ARSG: variants seen among roughly 807,000 people sequenced by gnomAD.
ARSG encodes the protein ASG.
Under a neutral mutation model 50.5 loss-of-function variants are expected in ARSG, and 37 were observed. The ratio of observed to expected loss-of-function variants is 0.73; its 90% confidence interval spans 0.56 to 0.96. The LOEUF (loss-of-function observed/expected upper bound fraction) is 0.96. Among genes scored for constraint, ARSG ranks in the 50% least tolerant of loss-of-function variants. ARSG has a pLI of 0.00. For synonymous variants in ARSG, 225 were observed against 254.6 expected (o/e 0.88, Z 1.11); for missense variants, 629 against 675.3 (o/e 0.93, Z 0.76).
At position 68,279,905 on chromosome 17, in the gene ARSG, G is replaced by A. The variant is rs188734006; in HGVS notation, c.-552+20479G>A. Reference sequence around the variant, plus strand: ...CAAGTTTAAGAATTCTTTATGGCTGGGCGCGGTGGCTCACACCTGTAATCC... The same window carrying A: ...CAAGTTTAAGAATTCTTTATGGCTGAGCGCGGTGGCTCACACCTGTAATCC... On this transcript the variant is annotated intron_variant, in intron 1 of 11. Coordinates refer to the ARSG transcript ENST00000448504. 3.9e-5 allele frequency among the ~76,000 whole-genome samples: 6 copies of A among 152,182 alleles called. No individual in the cohort carries two copies. In the East Asian group the frequency reaches 1.2e-3, roughly 29 times the overall value.
intron 2 of ARSG, among the ~76,000 whole-genome samples, chr17:68,322,431 A>T (rs572447181): frequency 1.3e-5 from 2 of 152,270 alleles, no homozygotes; most frequent in East Asian, 1.9e-4. Flanking sequence ...GATCGAGACC[A>T]TCCTGGCCAA....
At chr17:68,384,643 C>T (rs898767612) in intron 8 of ARSG, among the ~76,000 whole-genome samples, 2 of 152,124 alleles carry the variant, frequency 1.3e-5, no homozygotes, top group Non-Finnish European at 2.9e-5. Flanking sequence ...TTTCTTCATC[C>T]TAAACAGACA....
In ARSG at chr17:68,380,425, A is replaced by T. The variant is rs936024537; in HGVS notation, c.983-4639A>T. ...TAGCTGGGACTACCACACTTAGCTA[A>T]TTATTTATTTATTTATTTATTTAGT... On this transcript the variant is annotated intron_variant, in intron 8 of 11. Coordinates refer to ENST00000621439, the MANE Select transcript of ARSG (RefSeq NM_001267727.2). Among the ~76,000 whole-genome samples, 26 of 151,564 alleles carry T rather than the reference A, an allele frequency of 1.7e-4. 1 individual carries two copies. The highest frequency in any genetic ancestry group is 4.2e-4 in the South Asian group (2 of 4,810).
At chr17:68,320,106 G>A (rs552820984) in intron 2 of ARSG, among the ~76,000 whole-genome samples, 1 of 152,282 alleles carries the variant, frequency 6.6e-6, no homozygotes, top group East Asian at 1.9e-4. Flanking sequence ...GGGCAACACG[G>A]TGAAATCCCA....
In ARSG at chr17:68,386,907, C is replaced by G. The variant is rs146188575; in HGVS notation, c.1091+1735C>G. ...TGACTGAGAGGATGGTTTGGTGACC[C>G]AAGGCAGTGTCTGCCTGAGGGCCCC... On this transcript the variant is annotated intron_variant, in intron 9 of 11. Coordinates refer to ENST00000621439, the MANE Select transcript of ARSG (RefSeq NM_001267727.2). Among the ~76,000 whole-genome samples the G allele has an allele frequency of 7.4e-3, 1,123 of 152,146 alleles. 19 individuals are homozygous for G. Among genetic ancestry groups the G allele is most frequent in the African/African-American group, 0.026 (1,066 of 41,498 alleles).
chr17:68,445,808 G>A, the ARSG span, among the ~76,000 whole-genome samples: 1 of 152,226 alleles, frequency 6.6e-6, no homozygotes, highest in Non-Finnish European at 1.5e-5. Context: ...CATCTGAGCA[G>A]CTGCCGACCA....
intron 9 of ARSG, among the ~76,000 whole-genome samples, chr17:68,394,077 T>C (rs60904747): frequency 0.09 from 13,647 of 152,060 alleles, 1,491 homozygotes; most frequent in African/African-American, 0.26. Context: ...ATTTTGTTCA[T>C]GTCAGAACAA....
the ARSG span, among the ~76,000 whole-genome samples, chr17:68,442,487 G>A: frequency 2.0e-5 from 3 of 149,892 alleles, no homozygotes; most frequent in African/African-American, 7.4e-5. Context: ...AAAAAAAGGA[G>A]AAACATCTGT....
In ARSG at chr17:68,308,682, C is replaced by T. The variant is rs190111586; in HGVS notation, c.218+971C>T. ...TTATTCTCTTATCTGGCCCCACCCA[C>T]ATCCTGCTGATTGGTAGAGCTGAGT... is the stretch of plus-strand genomic sequence containing the variant. On this transcript the variant is annotated intron_variant, in intron 2 of 11. Coordinates refer to ENST00000621439, the MANE Select transcript of ARSG (RefSeq NM_001267727.2). Among the ~76,000 whole-genome samples, 619 of 152,254 alleles carry T rather than the reference C, an allele frequency of 4.1e-3. 7 individuals are homozygous for T. Among genetic ancestry groups the T allele is most frequent in the African/African-American group, 0.014 (583 of 41,538 alleles).
chr17:68,343,820 ATTTAC>A, intron 3 of ARSG, 29 bp downstream of exon 3: 1 of 1,582,892 alleles, frequency 6.3e-7, no homozygotes. Context: ...TGCCTGTTGC[ATTTAC>A]TGCAGTGGCA....
intron 11 of ARSG, among the ~76,000 whole-genome samples, chr17:68,416,720 C>T (rs965962244): frequency 2.1e-4 from 32 of 152,212 alleles, no homozygotes; most frequent in Non-Finnish European, 1.9e-4. Flanking sequence ...ACCTTGTCTT[C>T]GAGCTCTGAA....
At chr17:68,447,237 A>T in the ARSG span, among the ~76,000 whole-genome samples, 2 of 152,204 alleles carry the variant, frequency 1.3e-5, no homozygotes, top group Non-Finnish European at 1.5e-5. Flanking sequence ...CTGCAAAAGA[A>T]CTGTAAAAGT....
At chr17:68,291,448 G>C (rs2145234379), upstream of ARSG, 1 of 151,016 alleles carries the variant, frequency 6.6e-6, no homozygotes, top group East Asian at 2.0e-4. Flanking sequence ...ACCATGTGCT[G>C]CGAGCGCTGA....
At chr17:68,332,178 A>G (rs985203222) in intron 2 of ARSG, among the ~76,000 whole-genome samples, 2 of 151,766 alleles carry the variant, frequency 1.3e-5, no homozygotes. Context: ...CATTTTAGAG[A>G]CCTCCCCTTG....
At chr17:68,279,934 C>T (rs191031946) in intron 1 of ARSG, among the ~76,000 whole-genome samples, 3 of 152,264 alleles carry the variant, frequency 2.0e-5, no homozygotes, top group Admixed American at 2.0e-4. Flanking sequence ...GTAATCCCAG[C>T]ACTTTGGGAG....
intron 2 of ARSG, among the ~76,000 whole-genome samples, chr17:68,316,117 T>C (rs973540553): frequency 6.6e-6 from 1 of 152,210 alleles, no homozygotes; most frequent in Non-Finnish European, 1.5e-5. Context: ...TCCTTGAACA[T>C]ATGCTTTTCC....
At chr17:68,385,253 TG>T in intron 9 of ARSG, 81 bp downstream of exon 9, 1 of 1,285,682 alleles carries the variant, frequency 7.8e-7, no homozygotes, top group Non-Finnish European at 1.1e-6. Flanking sequence ...GATGGAGGCA[TG>T]GGTGGCTAGA....
chr17:68,374,631 A>G (rs2080052430), intron 8 of ARSG, among the ~76,000 whole-genome samples: 1 of 152,048 alleles, frequency 6.6e-6, no homozygotes, highest in East Asian at 1.9e-4. Flanking sequence ...GCAAGAAGAT[A>G]GCTTGAGGTC....
intron 4 of ARSG, among the ~76,000 whole-genome samples, chr17:68,347,513 A>G (rs2078569317): frequency 6.6e-6 from 1 of 152,140 alleles, no homozygotes; most frequent in South Asian, 2.1e-4. Flanking sequence ...GAAGAAGTAA[A>G]AATTGACTGA....
Sources: allele counts gnomAD v4.1 joint callset (sites outside exome capture counted in the v4.1 genomes callset), GRCh38; gene constraint gnomAD v4.1.1; transcripts MANE v1.5; gene names NCBI Gene and HGNC (gene_info 2026-07-23, HGNC 2026-07-21).